MNAT1: variants seen among roughly 807,000 people sequenced by gnomAD.
MNAT1 encodes CDK-activating kinase assembly factor MAT1.
A neutral mutation model predicts 42.0 loss-of-function variants in MNAT1; 43 were observed. That is an observed-to-expected ratio of 1.02 (90% CI 0.80 to 1.32). The LOEUF is 1.32. Among genes scored for constraint, MNAT1 ranks in the 40% most tolerant of loss-of-function variants. The pLI, the probability that MNAT1 is intolerant of heterozygous loss-of-function variation, is 0.00. For missense variants in MNAT1, 306 were observed against 350.4 expected (o/e 0.87, Z 1.01); for synonymous variants, 118 against 120.0 (o/e 0.98, Z 0.11).
intron 7 of MNAT1, among the ~76,000 whole-genome samples, chr14:60,897,566 GA>G (rs969197870): frequency 2.0e-5 from 3 of 151,972 alleles, no homozygotes; most frequent in African/African-American, 7.2e-5. Flanking sequence ...TGATTTAAAT[GA>G]AGCTGTTTGC....
chr14:60,919,488 G>T, intron 7 of MNAT1: 1 of 153,582 alleles, frequency 6.5e-6, no homozygotes. Flanking sequence ...GAATTGCTGC[G>T]TCTTTTTGGT....
At chr14:60,869,040 A>ATATATATATATATATT (rs1465360826) in intron 6 of MNAT1, among the ~76,000 whole-genome samples, 30 of 113,020 alleles carry the variant, frequency 2.7e-4, no homozygotes, top group African/African-American at 5.1e-4. Flanking sequence ...ATATATATAT[A>ATATATATATATATATT]TTTTTTTTTT....
rs1401149472 is a variant in MNAT1, at chr14:60,796,228, G to A, written c.101G>A (p.Cys34Tyr). 1.2e-6 allele frequency: 2 copies of A among 1,611,456 alleles called. No individual in the cohort carries two copies. The highest frequency in any genetic ancestry group is 1.7e-6 in the Non-Finnish European group (2 of 1,179,038). Residue 34 changes from cysteine (C) to tyrosine (Y), a missense_variant, in exon 2 of 8, where the codon TGT becomes TAT. Cys to Tyr is a radical substitution (Grantham distance 194, BLOSUM62 -2). This residue lies in a region of MNAT1 where 72 missense variants were observed against 111.0 expected (regional missense o/e 0.65). Coordinates refer to ENST00000261245, the MANE Select transcript of MNAT1 (RefSeq NM_002431.4). ...TTCTGTCCTTACAGCTGTGAAAGTT[G>A]TGTAGATTTACTGTTTGTGAGAGGA... ...NVCGHTLCES[C>Y]VDLLFVRGAG...
chr14:60,929,163 AAAAAAAAATATATAT>A (rs1332471615), intron 7 of MNAT1, among the ~76,000 whole-genome samples: 2 of 124,042 alleles, frequency 1.6e-5, no homozygotes, highest in African/African-American at 3.1e-5. Flanking sequence ...AAAAAAAAAA[AAAAAAAAATATATAT>A]ATATATATAT....
chr14:60,757,276 C>T (rs972875171), intron 1 of MNAT1, among the ~76,000 whole-genome samples: 1 of 152,070 alleles, frequency 6.6e-6, no homozygotes, highest in Admixed American at 6.6e-5. Flanking sequence ...TACCTCTTTC[C>T]TCAGTTTTTG....
intron 7 of MNAT1, among the ~76,000 whole-genome samples, chr14:60,942,003 C>CAAAAAAAAAAA (rs3080602): frequency 4.0e-4 from 12 of 29,936 alleles, no homozygotes; most frequent in African/African-American, 2.2e-3. Flanking sequence ...GGCTCCATCT[C>CAAAAAAAAAAA]AAAAAAAAAA....
intron 1 of MNAT1, among the ~76,000 whole-genome samples, chr14:60,773,078 C>T (rs2031121117): frequency 6.6e-6 from 1 of 151,900 alleles, no homozygotes; most frequent in African/African-American, 2.4e-5. Context: ...GCTGGGATTA[C>T]AGGCACACGC....
intron 7 of MNAT1, among the ~76,000 whole-genome samples, chr14:60,930,830 C>G (rs1309563412): frequency 6.6e-6 from 1 of 152,134 alleles, no homozygotes; most frequent in East Asian, 1.9e-4. Flanking sequence ...TCTTATTTAT[C>G]ATATTAAGTA....
At chr14:60,794,680 A>T (rs1277682022) in intron 1 of MNAT1, among the ~76,000 whole-genome samples, 1 of 123,358 alleles carries the variant, frequency 8.1e-6, no homozygotes, top group Non-Finnish European at 1.7e-5. Flanking sequence ...TATATATATA[A>T]AATAGGTATA....
intron 1 of MNAT1, among the ~76,000 whole-genome samples, chr14:60,769,728 C>T (rs1029887080): frequency 1.3e-5 from 2 of 152,172 alleles, no homozygotes; most frequent in Non-Finnish European, 2.9e-5. Flanking sequence ...CATCAAGGCT[C>T]ACTGCAACCT....
intron 5 of MNAT1, among the ~76,000 whole-genome samples, chr14:60,813,196 C>T (rs945098174): frequency 3.9e-5 from 6 of 152,130 alleles, no homozygotes; most frequent in South Asian, 4.1e-4. Context: ...CTTCTGTGTC[C>T]GTGCCTGGGG....
chr14:60,796,474 ATAAC>A, intron 2 of MNAT1, 105 bp downstream of exon 2: 1 of 1,013,158 alleles, frequency 9.9e-7, no homozygotes, highest in Non-Finnish European at 1.4e-6. Flanking sequence ...TAGCAAGTAA[ATAAC>A]TATAAATTCA....
intron 1 of MNAT1, among the ~76,000 whole-genome samples, chr14:60,767,867 G>A (rs560023924): frequency 5.1e-4 from 78 of 152,284 alleles, no homozygotes; most frequent in African/African-American, 1.8e-3. Context: ...TGGTTCAAGT[G>A]ATTCCCTTGC....
Position 60,969,188 on chromosome 14 carries a change from C to G in MNAT1, c.*839C>G, listed in dbSNP as rs1387727885. On this transcript the variant is annotated 3_prime_UTR_variant, in exon 8 of 8. Transcript: ENST00000261245. ...TACTGATACAGTTTTTTTGTTGAAA[C>G]TTCAAAGGCTTTTATTACCAGGGTT... 1 of 152,118 alleles carries G rather than the reference C, an allele frequency of 6.6e-6. No homozygotes were observed. The highest frequency in any genetic ancestry group is 1.5e-5 in the Non-Finnish European group (1 of 68,036). The allele number at this position is 152,118 out of a possible 1,614,324, so 9.4% of individuals were successfully genotyped here.
At chr14:60,923,455 C>T (rs1201144960) in intron 7 of MNAT1, among the ~76,000 whole-genome samples, 2 of 152,142 alleles carry the variant, frequency 1.3e-5, no homozygotes, top group Non-Finnish European at 2.9e-5. Flanking sequence ...ACATTTGCTA[C>T]CTGTCTTAAC....
chr14:60,820,400 C>T (rs552115647), intron 6 of MNAT1, among the ~76,000 whole-genome samples: 204 of 152,196 alleles, frequency 1.3e-3, no homozygotes, highest in Non-Finnish European at 2.1e-3. Context: ...TTTACTGTTG[C>T]TTCCACTTTA....
intron 7 of MNAT1, among the ~76,000 whole-genome samples, chr14:60,942,061 C>T (rs1434691639): frequency 1.5e-5 from 2 of 133,860 alleles, no homozygotes; most frequent in African/African-American, 2.7e-5. Flanking sequence ...CTTCTCTATT[C>T]AAAGTTAGGG....
intron 1 of MNAT1, among the ~76,000 whole-genome samples, chr14:60,765,761 A>G (rs1320034583): frequency 1.3e-5 from 2 of 152,216 alleles, no homozygotes; most frequent in Admixed American, 1.3e-4. Flanking sequence ...TTATACCTCT[A>G]GGCAATCTAA....
chr14:60,786,286 T>G (rs1018780284), intron 1 of MNAT1, among the ~76,000 whole-genome samples: 4 of 139,662 alleles, frequency 2.9e-5, no homozygotes, highest in Non-Finnish European at 4.6e-5. Flanking sequence ...AGAACAATAG[T>G]AACAGTGGAA....
Sources: allele counts gnomAD v4.1 joint callset (sites outside exome capture counted in the v4.1 genomes callset), GRCh38; gene constraint gnomAD v4.1.1; regional missense constraint gnomAD v4.1.1; transcripts MANE v1.5; gene names NCBI Gene and HGNC (gene_info 2026-07-23, HGNC 2026-07-21).